The following BMP6 variants were observed in gnomAD, a reference collection of about 807,000 sequenced individuals.
BMP6 encodes VG-1-R.
In BMP6, 17 loss-of-function variants were observed where a neutral mutation model predicts 54.1. The ratio of observed to expected loss-of-function variants is 0.31; its 90% CI spans 0.22 to 0.47. The LOEUF is 0.47. Among genes scored for constraint, BMP6 ranks in the 20% least tolerant of loss-of-function variants. The pLI, the probability that BMP6 is intolerant of heterozygous loss-of-function variation, is 1.00. For synonymous variants in BMP6, 328 were observed against 291.2 expected (o/e 1.13, Z -1.28); for missense variants, 720 against 690.4 (o/e 1.04, Z -0.48).
At chr6:7,810,552 C>A (rs1263579060) in intron 1 of BMP6, among the ~76,000 whole-genome samples, 2 of 152,130 alleles carry the variant, frequency 1.3e-5, no homozygotes, top group Non-Finnish European at 2.9e-5. Flanking sequence ...CATGGGAAGT[C>A]CCTGTACTTG....
intron 2 of BMP6, among the ~76,000 whole-genome samples, chr6:7,859,910 C>G (rs1017714339): frequency 2.6e-5 from 4 of 152,158 alleles, no homozygotes; most frequent in African/African-American, 9.7e-5. Flanking sequence ...GCCATGGAGG[C>G]AGGAGAAACT....
chr6:7,745,493 A>C (rs1757333154), intron 1 of BMP6, among the ~76,000 whole-genome samples: 1 of 152,162 alleles, frequency 6.6e-6, no homozygotes, highest in Non-Finnish European at 1.5e-5. Context: ...TGGTGCCTTA[A>C]TTCCTGGCCT....
At chr6:7,836,868 G>A (rs1235539319) in intron 1 of BMP6, among the ~76,000 whole-genome samples, 1 of 152,162 alleles carries the variant, frequency 6.6e-6, no homozygotes, top group Non-Finnish European at 1.5e-5. Context: ...TCAAAAGGCC[G>A]CTGTCGTTAC....
chr6:7,824,527 C>G (rs1758662726), intron 1 of BMP6, among the ~76,000 whole-genome samples: 1 of 152,172 alleles, frequency 6.6e-6, no homozygotes, highest in South Asian at 2.1e-4. Flanking sequence ...GAAGCCCTAA[C>G]TGAATATCTA....
In BMP6 at chr6:7,733,506, T is replaced by C. The variant is rs1385483786; in HGVS notation, c.664+5887T>C. ...CAGCTGTTACACATTAACCATCCTG[T>C]CCCCCCCTCCCTAGGCCACAGCATA... On this transcript the variant is annotated intron_variant, in intron 1 of 6. Transcript: ENST00000283147. Among the ~76,000 whole-genome samples the C allele has an allele frequency of 2.6e-5, 4 of 151,810 alleles. No individual in the cohort carries two copies. The East Asian group carries it at 7.8e-4, about 29-fold the overall frequency.
intron 4 of BMP6, among the ~76,000 whole-genome samples, chr6:7,876,344 C>T (rs2113295132): frequency 6.6e-6 from 1 of 152,166 alleles, no homozygotes; most frequent in Non-Finnish European, 1.5e-5. Context: ...TTTATCTGAT[C>T]CTCTTGGAAC....
intron 1 of BMP6, among the ~76,000 whole-genome samples, chr6:7,771,272 C>G (rs1371365266): frequency 6.6e-6 from 1 of 152,156 alleles, no homozygotes; most frequent in East Asian, 1.9e-4. Flanking sequence ...TTGTCCAGCT[C>G]CTTAAGCTGA....
At chr6:7,835,635 G>T (rs1197150719) in intron 1 of BMP6, among the ~76,000 whole-genome samples, 1 of 152,084 alleles carries the variant, frequency 6.6e-6, no homozygotes, top group Non-Finnish European at 1.5e-5. Flanking sequence ...CTTCTTTAAG[G>T]CAGCCCTTGT....
chr6:7,726,105 CCCA>C lies in BMP6; in HGVS notation c.-849_-847del, dbSNP rs1761715989. ...CCTGAGCCGGGCGCGCAGCAGAAAGCCCACGTTGGCCGCTGCGGGGAGCGCGGC... is the reference window on the plus strand; with the variant it reads ...CCTGAGCCGGGCGCGCAGCAGAAAGCCGTTGGCCGCTGCGGGGAGCGCGGC... On this transcript the variant is annotated 5_prime_UTR_variant, in exon 1 of 7. Coordinates refer to ENST00000283147, the MANE Select transcript of BMP6 (RefSeq NM_001718.6). Among the ~76,000 whole-genome samples the C allele has an allele frequency of 6.6e-6, 1 of 152,236 alleles. No individual in the cohort carries two copies. The highest frequency in any genetic ancestry group is 2.4e-5 in the African/African-American group (1 of 41,464).
intron 1 of BMP6, among the ~76,000 whole-genome samples, chr6:7,780,823 C>T (rs905516324): frequency 7.2e-5 from 6 of 82,798 alleles, no homozygotes; most frequent in East Asian, 3.2e-4. Flanking sequence ...CCATCCTCCC[C>T]GTTCAGCCTC....
At chr6:7,783,758 C>T (rs1757982408) in intron 1 of BMP6, among the ~76,000 whole-genome samples, 1 of 152,236 alleles carries the variant, frequency 6.6e-6, no homozygotes, top group Admixed American at 6.5e-5. Flanking sequence ...GAGACCTCCT[C>T]ATTCAGTCCA....
intron 1 of BMP6, among the ~76,000 whole-genome samples, chr6:7,826,587 G>A (rs373935894): frequency 6.6e-6 from 1 of 152,224 alleles, no homozygotes; most frequent in Non-Finnish European, 1.5e-5. Context: ...AATTGCTTTG[G>A]TGGGAGATTT....
chr6:7,817,545 C>CA, intron 1 of BMP6, among the ~76,000 whole-genome samples: 1 of 106,716 alleles, frequency 9.4e-6, no homozygotes, highest in African/African-American at 3.8e-5. Context: ...GGACACAGGG[C>CA]GGGGAACATC....
At chr6:7,873,616 A>C (rs1380011940) in intron 4 of BMP6, among the ~76,000 whole-genome samples, 1 of 151,988 alleles carries the variant, frequency 6.6e-6, no homozygotes, top group Non-Finnish European at 1.5e-5. Context: ...CCAACCCCCT[A>C]ATCCTGTGCT....
At chr6:7,730,981 C>T (rs559207663) in intron 1 of BMP6, among the ~76,000 whole-genome samples, 18 of 152,314 alleles carry the variant, frequency 1.2e-4, no homozygotes, top group Admixed American at 2.0e-4. Flanking sequence ...TGAAACACCC[C>T]GAGCCTTGTA....
chr6:7,862,535 T>C, intron 4 of BMP6, 37 bp downstream of exon 4: 1 of 1,610,830 alleles, frequency 6.2e-7, no homozygotes, highest in Non-Finnish European at 8.5e-7. Context: ...CAGAAAGCCT[T>C]GTTGGCCTCA....
intron 1 of BMP6, among the ~76,000 whole-genome samples, chr6:7,786,932 G>A (rs1417046548): frequency 6.6e-6 from 1 of 152,126 alleles, no homozygotes; most frequent in Non-Finnish European, 1.5e-5. Flanking sequence ...GGAAGAGCAG[G>A]AATAATTAAG....
intron 1 of BMP6, among the ~76,000 whole-genome samples, chr6:7,792,161 C>T (rs1029574533): frequency 5.3e-5 from 8 of 152,100 alleles, no homozygotes; most frequent in South Asian, 2.1e-4. Flanking sequence ...GCCAAAGTGT[C>T]GAGGTGGAAT....
chr6:7,731,524 G>GAAACCACGCTAACCC (rs1331534459), intron 1 of BMP6, among the ~76,000 whole-genome samples: 1 of 152,162 alleles, frequency 6.6e-6, no homozygotes, highest in Non-Finnish European at 1.5e-5. Flanking sequence ...TCCAAAGGCG[G>GAAACCACGCTAACCC]AAACCACGCT....
Sources: allele counts gnomAD v4.1 joint callset (sites outside exome capture counted in the v4.1 genomes callset), GRCh38; gene constraint gnomAD v4.1.1; transcripts MANE v1.5; gene names NCBI Gene and HGNC (gene_info 2026-07-23, HGNC 2026-07-21).